The following DLG2 variants were observed in gnomAD, a reference collection of about 807,000 sequenced individuals.
The protein encoded by DLG2 is disks large homolog 2.
In DLG2, 45 loss-of-function variants were observed where a neutral mutation model predicts 132.5. That is an observed-to-expected ratio of 0.34 (90% CI 0.27 to 0.44). The LOEUF is 0.44. Ranked by LOEUF, DLG2 falls within the 20% of genes least tolerant of loss-of-function variation. The pLI is 1.00. For synonymous variants in DLG2, 424 were observed against 419.6 expected (o/e 1.01, Z -0.13); for missense variants, 1,045 against 1,196.9 (o/e 0.87, Z 1.87).
intron 16 of DLG2, among the ~76,000 whole-genome samples, chr11:83,862,198 C>T (rs2154051196): frequency 6.6e-6 from 1 of 152,202 alleles, no homozygotes; most frequent in Non-Finnish European, 1.5e-5. Context: ...TAAGTGTCTA[C>T]CAACAAACGA....
chr11:84,840,210 G>C (rs1035340661), intron 6 of DLG2, among the ~76,000 whole-genome samples: 7 of 152,020 alleles, frequency 4.6e-5, no homozygotes, highest in Non-Finnish European at 8.8e-5. Flanking sequence ...AAAAGAAGAC[G>C]TTTATGCAGC....
chr11:84,853,548 T>G (rs543359022), intron 6 of DLG2, among the ~76,000 whole-genome samples: 3 of 152,046 alleles, frequency 2.0e-5, no homozygotes, highest in Non-Finnish European at 4.4e-5. Flanking sequence ...TTATCTGTTC[T>G]CTCATGTATT....
chr11:84,952,485 C>G (rs1038973799), intron 6 of DLG2, among the ~76,000 whole-genome samples: 2 of 152,008 alleles, frequency 1.3e-5, no homozygotes, highest in African/African-American at 4.8e-5. Flanking sequence ...CCACAGCACT[C>G]CCGCCTGGGC....
chr11:83,513,033 T>C (rs2095118626), intron 21 of DLG2, among the ~76,000 whole-genome samples: 1 of 152,234 alleles, frequency 6.6e-6, no homozygotes, highest in Admixed American at 6.5e-5. Context: ...TTATAATCCT[T>C]TGGGTATATA....
rs150303627 is a variant in DLG2, at chr11:83,536,085, G to A, written c.2118-3302C>T. The stretch of plus-strand genomic sequence containing the variant: ...TTTGGAGCAGCTTCCACAGTATGAA[G>A]GCACATACATATCCTTAGAAGTCTA... On this transcript the variant is annotated intron_variant, in intron 20 of 27. Transcript: ENST00000376104. Among the ~76,000 whole-genome samples the A allele has an allele frequency of 9.7e-4, 148 of 152,176 alleles. 1 individual carries two copies. The highest frequency in any genetic ancestry group is 9.2e-3 in the South Asian group (44 of 4,808).
At chr11:83,976,857 T>C (rs1012764598) in intron 12 of DLG2, among the ~76,000 whole-genome samples, 3 of 151,960 alleles carry the variant, frequency 2.0e-5, no homozygotes, top group Non-Finnish European at 2.9e-5. Flanking sequence ...TAGACATATA[T>C]GAACTAACCA....
chr11:85,048,499 C>T (rs1223561346), intron 6 of DLG2, among the ~76,000 whole-genome samples: 1 of 151,912 alleles, frequency 6.6e-6, no homozygotes, highest in African/African-American at 2.4e-5. Context: ...TTGTCTTTTC[C>T]ACCTGTGGAG....
At chr11:85,593,145 GAT>G (rs2079482366) in intron 3 of DLG2, among the ~76,000 whole-genome samples, 1 of 152,072 alleles carries the variant, frequency 6.6e-6, no homozygotes, top group Non-Finnish European at 1.5e-5. Flanking sequence ...AAGTACTCAA[GAT>G]ATGTCCCAGA....
chr11:84,011,318 A>G (rs1003412604), intron 11 of DLG2, among the ~76,000 whole-genome samples: 2 of 151,910 alleles, frequency 1.3e-5, no homozygotes, highest in African/African-American at 2.4e-5. Context: ...AAAAAATACA[A>G]AAACTAGCCA....
chr11:83,510,307 T>C (rs1201285370), intron 21 of DLG2, among the ~76,000 whole-genome samples: 1 of 150,368 alleles, frequency 6.7e-6, no homozygotes, highest in Admixed American at 6.6e-5. Flanking sequence ...GACAGTGCGC[T>C]CTTTACCCCC....
intron 4 of DLG2, among the ~76,000 whole-genome samples, chr11:85,213,086 G>GA (rs1218707300): frequency 2.0e-5 from 3 of 151,700 alleles, no homozygotes; most frequent in Non-Finnish European, 2.9e-5. Context: ...AAGAGGGAAA[G>GA]AAAAAAAACC....
intron 11 of DLG2, among the ~76,000 whole-genome samples, chr11:84,050,637 T>C (rs904680084): frequency 1.3e-5 from 2 of 152,066 alleles, no homozygotes; most frequent in African/African-American, 4.8e-5. Flanking sequence ...TCTTCTAGGT[T>C]TGTATGGTTT....
chr11:84,194,852 C>T (rs2096484707), intron 8 of DLG2, among the ~76,000 whole-genome samples: 1 of 152,140 alleles, frequency 6.6e-6, no homozygotes, highest in African/African-American at 2.4e-5. Context: ...CTAGGCCTCT[C>T]ACTGCCTGGG....
intron 6 of DLG2, among the ~76,000 whole-genome samples, chr11:84,732,313 A>G (rs985208063): frequency 3.3e-5 from 5 of 151,998 alleles, no homozygotes; most frequent in African/African-American, 1.2e-4. Context: ...CCTGATGAAT[A>G]TGTGTTTATA....
chr11:83,872,499 T>C (rs2063668568), intron 16 of DLG2, among the ~76,000 whole-genome samples: 1 of 152,198 alleles, frequency 6.6e-6, no homozygotes, highest in Admixed American at 6.5e-5. Context: ...CTATGAAGTT[T>C]ATACAGTTTG....
chr11:83,608,138 T>C (rs2059606648), intron 19 of DLG2, among the ~76,000 whole-genome samples: 1 of 152,188 alleles, frequency 6.6e-6, no homozygotes, highest in Non-Finnish European at 1.5e-5. Context: ...ATGGATTGTG[T>C]CCAAATAAAC....
intron 16 of DLG2, among the ~76,000 whole-genome samples, chr11:83,855,845 A>T (rs1412649569): frequency 2.6e-5 from 4 of 152,086 alleles, no homozygotes; most frequent in Admixed American, 1.3e-4. Flanking sequence ...AAAAAAAAAA[A>T]ATTTTCAGGG....
At position 84,934,546 on chromosome 11, in the gene DLG2, T is replaced by TTG. The variant is rs1183459468; in HGVS notation, c.357+177114_357+177115insCA. On this transcript the variant is annotated intron_variant, in intron 6 of 27. Coordinates refer to ENST00000376104, the MANE Select transcript of DLG2 (RefSeq NM_001142699.3). ...TTTTGTTTTTTTTTTTTTTTTTTTT[T>TTG]GGTGGGTAGGCTATTTATTACTGTC... 6.0e-4 allele frequency among the ~76,000 whole-genome samples: 77 copies of TTG among 128,718 alleles called. 2 individuals carry two copies. The highest frequency in any genetic ancestry group is 1.9e-3 in the South Asian group (7 of 3,768). 84.4% of individuals were successfully genotyped at this position (128,718 alleles called of 152,430 possible).
At chr11:85,236,626 C>T (rs1416194093) in intron 4 of DLG2, among the ~76,000 whole-genome samples, 3 of 151,974 alleles carry the variant, frequency 2.0e-5, no homozygotes, top group Non-Finnish European at 4.4e-5. Flanking sequence ...TCAGGGGAGA[C>T]ATAATTTAGT....
Sources: gnomAD v4.1 joint callset for allele counts (sites outside exome capture counted in the v4.1 genomes callset) on GRCh38, gnomAD v4.1.1 for gene constraint, MANE v1.5 for transcripts, NCBI Gene and HGNC (gene_info 2026-07-23, HGNC 2026-07-21) for gene names.